Variants in ARHGAP42 observed in about 807,000 individuals in gnomAD.
ARHGAP42 encodes the protein rho GTPase-activating protein 42.
A neutral mutation model predicts 125.0 loss-of-function variants in ARHGAP42; 63 were observed. The observed-to-expected ratio is 0.50, with a 90% CI of 0.41 to 0.62. The LOEUF (loss-of-function observed/expected upper bound fraction) is 0.62, where lower values mean the gene tolerates loss of function less well. Ranked by LOEUF, ARHGAP42 falls within the 20% of genes least tolerant of loss-of-function variation. ARHGAP42 has a pLI of 0.00. For missense variants in ARHGAP42, 766 were observed against 1,024.2 expected (o/e 0.75, Z 3.44); for synonymous variants, 339 against 351.0 (o/e 0.97, Z 0.38).
intron 4 of ARHGAP42, among the ~76,000 whole-genome samples, chr11:100,869,127 A>G (rs1865641424): frequency 6.6e-6 from 1 of 152,052 alleles, no homozygotes; most frequent in African/African-American, 2.4e-5. Flanking sequence ...ATATTGATAA[A>G]GTGGGGTTCA....
intron 4 of ARHGAP42, among the ~76,000 whole-genome samples, chr11:100,902,951 C>G (rs558231772): frequency 6.6e-6 from 1 of 152,018 alleles, no homozygotes; most frequent in Non-Finnish European, 1.5e-5. Flanking sequence ...AATGAACGGC[C>G]CCGAGGTGTG....
chr11:100,841,350 G>T (rs1451248891), intron 3 of ARHGAP42, among the ~76,000 whole-genome samples: 1 of 151,904 alleles, frequency 6.6e-6, no homozygotes, highest in East Asian at 1.9e-4. Flanking sequence ...GTTTGTTCAG[G>T]AGTTGAGTTC....
chr11:100,936,457 C>T (rs778202065), intron 8 of ARHGAP42, 125 bp downstream of exon 8: 31 of 1,237,296 alleles, frequency 2.5e-5, no homozygotes, highest in Non-Finnish European at 3.2e-5. Flanking sequence ...TATCTACTTT[C>T]CCCCCACCAC....
At chr11:100,743,008 G>T (rs1862221405) in intron 1 of ARHGAP42, among the ~76,000 whole-genome samples, 1 of 152,154 alleles carries the variant, frequency 6.6e-6, no homozygotes, top group Non-Finnish European at 1.5e-5. Flanking sequence ...TTTGGTGTGT[G>T]ATTTATATTC....
At chr11:100,872,471 C>T (rs1865720013) in intron 4 of ARHGAP42, among the ~76,000 whole-genome samples, 1 of 152,132 alleles carries the variant, frequency 6.6e-6, no homozygotes, top group African/African-American at 2.4e-5. Flanking sequence ...TCTCAGTTCA[C>T]TGCAACCTCT....
rs139506492 is a variant in ARHGAP42, at chr11:100,903,709, A to AATATATATATATATAT, written c.385-9712_385-9697dup. Among the ~76,000 whole-genome samples, 67 of 63,418 alleles carry AATATATATATATATAT rather than the reference A, an allele frequency of 1.1e-3. 1 individual carries two copies. Among genetic ancestry groups the AATATATATATATATAT allele is most frequent in the Non-Finnish European group, 1.5e-3 (52 of 33,740 alleles). The allele number at this position is 63,418 out of a possible 152,430, so 41.6% of individuals were successfully genotyped here. A position where few individuals can be genotyped will look rare whatever the true frequency, so the allele number is the denominator to read the frequency against. On this transcript the variant is annotated intron_variant, in intron 4 of 23. Transcript: ENST00000298815. ...ATGTATATATATACATGTCCCTCAA[A>AATATATATATATATAT]ATATATATATATATATATATATATA...
intron 17 of ARHGAP42, among the ~76,000 whole-genome samples, chr11:100,972,693 T>G (rs568717268): frequency 6.6e-6 from 1 of 152,322 alleles, no homozygotes; most frequent in South Asian, 2.1e-4. Flanking sequence ...ACACGTTTCT[T>G]TAGGAGCCTC....
chr11:100,866,461 T>C (rs1865572774), intron 4 of ARHGAP42, among the ~76,000 whole-genome samples: 1 of 152,204 alleles, frequency 6.6e-6, no homozygotes, highest in South Asian at 2.1e-4. Context: ...GATAGCCTTA[T>C]TGTATTAGTC....
intron 3 of ARHGAP42, among the ~76,000 whole-genome samples, chr11:100,850,506 T>G (rs1865176401): frequency 6.6e-6 from 1 of 152,194 alleles, no homozygotes; most frequent in Non-Finnish European, 1.5e-5. Context: ...ATATGCAGTC[T>G]TGTTGACCAT....
intron 4 of ARHGAP42, among the ~76,000 whole-genome samples, chr11:100,884,537 G>A (rs1866037884): frequency 6.6e-6 from 1 of 151,864 alleles, no homozygotes; most frequent in Non-Finnish European, 1.5e-5. Context: ...CTAGCAAATT[G>A]GTACAAAATG....
At chr11:100,838,421 T>G (rs2135107551) in intron 3 of ARHGAP42, among the ~76,000 whole-genome samples, 1 of 152,206 alleles carries the variant, frequency 6.6e-6, no homozygotes, top group East Asian at 1.9e-4. Flanking sequence ...AATATGATAG[T>G]GTAGGCTGGG....
chr11:100,986,345 G>A (rs1044405753), intron 22 of ARHGAP42: 14 of 283,902 alleles, frequency 4.9e-5, no homozygotes, highest in African/African-American at 3.2e-4. Context: ...GGACATAGCT[G>A]GCCTGAGGTG....
intron 1 of ARHGAP42, among the ~76,000 whole-genome samples, chr11:100,715,592 C>T (rs1288673249): frequency 1.3e-5 from 2 of 152,114 alleles, no homozygotes; most frequent in Admixed American, 6.5e-5. Context: ...TCATCCTTGG[C>T]GTATGTGCAA....
intron 1 of ARHGAP42, among the ~76,000 whole-genome samples, chr11:100,698,678 G>A (rs1006280183): frequency 2.6e-5 from 4 of 151,552 alleles, no homozygotes; most frequent in African/African-American, 7.3e-5. Context: ...GTGGAACTCC[G>A]TTTAAAAAAA....
At chr11:100,739,224 C>T (rs1410770998) in intron 1 of ARHGAP42, among the ~76,000 whole-genome samples, 1 of 150,446 alleles carries the variant, frequency 6.6e-6, no homozygotes, top group Non-Finnish European at 1.5e-5. Context: ...TGAGTTTTAC[C>T]AAAGTGATCA....
intron 4 of ARHGAP42, among the ~76,000 whole-genome samples, chr11:100,907,580 G>A (rs1233114113): frequency 6.6e-6 from 1 of 152,178 alleles, no homozygotes; most frequent in African/African-American, 2.4e-5. Context: ...CCACAGGAGA[G>A]ACACTGCTGT....
intron 4 of ARHGAP42, among the ~76,000 whole-genome samples, chr11:100,899,809 G>A (rs1287780508): frequency 1.4e-5 from 2 of 146,906 alleles, no homozygotes; most frequent in Non-Finnish European, 3.0e-5. Context: ...GTCTTTACAT[G>A]TGGGATGGGT....
At chr11:100,832,574 T>G (rs1864688017) in intron 3 of ARHGAP42, among the ~76,000 whole-genome samples, 1 of 152,180 alleles carries the variant, frequency 6.6e-6, no homozygotes, top group Non-Finnish European at 1.5e-5. Flanking sequence ...CATATGAAGG[T>G]CAGGAATTCT....
chr11:100,907,842 A>G (rs983805657), intron 4 of ARHGAP42, among the ~76,000 whole-genome samples: 12 of 152,174 alleles, frequency 7.9e-5, no homozygotes, highest in African/African-American at 2.9e-4. Context: ...AGAGCCTAGC[A>G]CCATGATAAT....
Sources: gnomAD v4.1 joint callset for allele counts (sites outside exome capture counted in the v4.1 genomes callset) on GRCh38, gnomAD v4.1.1 for gene constraint, MANE v1.5 for transcripts, NCBI Gene and HGNC (gene_info 2026-07-23, HGNC 2026-07-21) for gene names.